ZBTB7C: variants seen among roughly 807,000 people sequenced by gnomAD.
The protein encoded by ZBTB7C is zinc finger and BTB domain-containing protein 7C.
A neutral mutation model predicts 25.7 loss-of-function variants in ZBTB7C; 8 were observed. That is an observed-to-expected ratio of 0.31 (90% CI 0.18 to 0.56). ZBTB7C has a LOEUF of 0.56. Among genes scored for constraint, ZBTB7C ranks in the 20% least tolerant of loss-of-function variants. ZBTB7C has a pLI of 0.91. For synonymous variants in ZBTB7C, 394 were observed against 369.0 expected (o/e 1.07, Z -0.78); for missense variants, 824 against 855.2 (o/e 0.96, Z 0.46).
chr18:48,206,587 G>T (rs1041507199), intron 2 of ZBTB7C, among the ~76,000 whole-genome samples: 3 of 152,172 alleles, frequency 2.0e-5, no homozygotes, highest in African/African-American at 7.2e-5. Flanking sequence ...TTCAGTCCAG[G>T]AGGCTGAGGC....
chr18:48,068,103 G>A (rs1244745654), intron 3 of ZBTB7C, among the ~76,000 whole-genome samples: 3 of 150,086 alleles, frequency 2.0e-5, no homozygotes, highest in Admixed American at 6.6e-5. Flanking sequence ...TTGGTTAGAC[G>A]AATTCAGTGG....
At chr18:48,069,154 C>A (rs1180676727) in intron 3 of ZBTB7C, among the ~76,000 whole-genome samples, 3 of 152,234 alleles carry the variant, frequency 2.0e-5, no homozygotes, top group Admixed American at 2.0e-4. Context: ...ATTTCTGTTG[C>A]TGGATTGACT....
At chr18:48,247,022 T>C (rs958851323) in intron 2 of ZBTB7C, among the ~76,000 whole-genome samples, 4 of 152,200 alleles carry the variant, frequency 2.6e-5, no homozygotes, top group Non-Finnish European at 5.9e-5. Context: ...AAGTGTTGCC[T>C]CATATAAGGG....
intron 2 of ZBTB7C, among the ~76,000 whole-genome samples, chr18:48,235,586 T>C (rs1319174260): frequency 6.6e-6 from 1 of 152,236 alleles, no homozygotes; most frequent in African/African-American, 2.4e-5. Flanking sequence ...TCTTAGATCC[T>C]CCTTCTGCGA....
At chr18:48,106,977 G>A (rs940206258) in intron 3 of ZBTB7C, among the ~76,000 whole-genome samples, 4 of 152,032 alleles carry the variant, frequency 2.6e-5, no homozygotes, top group African/African-American at 9.7e-5. Flanking sequence ...CAAGGATGAA[G>A]GTGATATAAT....
At chr18:48,336,264 C>T (rs956187758) in intron 2 of ZBTB7C, among the ~76,000 whole-genome samples, 3 of 152,228 alleles carry the variant, frequency 2.0e-5, no homozygotes, top group Non-Finnish European at 2.9e-5. Flanking sequence ...ACCCTGTTAG[C>T]AGTCAGAATC....
chr18:48,272,591 G>T lies in ZBTB7C; in HGVS notation c.-79+65583C>A, dbSNP rs117771901. On this transcript the variant is annotated intron_variant, in intron 2 of 4. Coordinates refer to ENST00000590800, the MANE Select transcript of ZBTB7C (RefSeq NM_001318841.2). ...AATGGTGCAGTCACTTTGGGAAAGA[G>T]TGAAGAGTTTCTCAAAGGTTAAAGG... Among the ~76,000 whole-genome samples, 161 of 152,306 alleles carry T rather than the reference G, an allele frequency of 1.1e-3. 1 individual carries two copies. The highest frequency in any genetic ancestry group is 2.5e-3 in the Admixed American group (39 of 15,300).
At chr18:48,408,213 T>G (rs1198453923) in intron 1 of ZBTB7C, 3 of 152,370 alleles carry the variant, frequency 2.0e-5, no homozygotes. Context: ...CTTTGCAGAT[T>G]GCAAAGATAA....
At chr18:48,067,224 T>C (rs550500865) in intron 3 of ZBTB7C, among the ~76,000 whole-genome samples, 9 of 152,266 alleles carry the variant, frequency 5.9e-5, no homozygotes, top group East Asian at 1.9e-4. Flanking sequence ...CCTCTGTAAG[T>C]GAAGGAGCTG....
At chr18:48,104,351 C>T (rs1263625978) in intron 3 of ZBTB7C, among the ~76,000 whole-genome samples, 2 of 152,206 alleles carry the variant, frequency 1.3e-5, no homozygotes, top group Non-Finnish European at 1.5e-5. Flanking sequence ...AGCTCCCCTT[C>T]CTCTTCCACC....
intron 2 of ZBTB7C, among the ~76,000 whole-genome samples, chr18:48,268,321 A>T (rs1296415757): frequency 6.6e-6 from 1 of 152,254 alleles, no homozygotes; most frequent in Non-Finnish European, 1.5e-5. Context: ...GACAAATTTT[A>T]TGCAAGCTGT....
At chr18:48,162,900 A>C (rs1156539821) in intron 3 of ZBTB7C, among the ~76,000 whole-genome samples, 1 of 152,160 alleles carries the variant, frequency 6.6e-6, no homozygotes, top group Admixed American at 6.5e-5. Context: ...ATGGGAGAAA[A>C]ATGTCACTGA....
intron 2 of ZBTB7C, among the ~76,000 whole-genome samples, chr18:48,284,404 A>C (rs2044969482): frequency 6.6e-6 from 1 of 151,110 alleles, no homozygotes; most frequent in Non-Finnish European, 1.5e-5. Context: ...ATGCCATTGC[A>C]CTCCAGCCTG....
In ZBTB7C at chr18:48,040,372, G is replaced by T. The variant is rs974792576; in HGVS notation, c.736C>A (p.Pro246Thr). The change falls in exon 4 of 5, where the codon CCC (proline) becomes ACC (threonine). Residue 246 changes from proline to threonine, a missense_variant. Physicochemically the swap from Pro to Thr is conservative, Grantham distance 38. This residue lies in a region of ZBTB7C where 316 missense variants were observed against 299.2 expected (regional missense o/e 1.06). Coordinates refer to ENST00000590800, the MANE Select transcript of ZBTB7C (RefSeq NM_001318841.2). The part of the protein sequence containing the change: ...YPKANIPDRR[P>T]SLSPFAPDFF... The stretch of plus-strand genomic sequence containing the variant: ...TCCGGGGCGAATGGAGACAAGGAGG[G>T]TCTCCTGTCGGGGATGTTGGCCTTG... The T allele has an allele frequency of 1.2e-6, 2 of 1,611,656 alleles. No individual in the cohort carries two copies. The highest frequency in any genetic ancestry group is 1.7e-5 in the Admixed American group (1 of 59,850).
intron 3 of ZBTB7C, among the ~76,000 whole-genome samples, chr18:48,165,992 G>T (rs768394150): frequency 6.6e-6 from 1 of 152,114 alleles, no homozygotes; most frequent in Non-Finnish European, 1.5e-5. Context: ...TGCATAATAC[G>T]TTTTTCCCAG....
chr18:48,051,661 A>T (rs987386716), intron 3 of ZBTB7C, among the ~76,000 whole-genome samples: 4 of 152,094 alleles, frequency 2.6e-5, no homozygotes, highest in African/African-American at 9.7e-5. Context: ...CTAATGCACC[A>T]TGCAGGGGAC....
intron 3 of ZBTB7C, among the ~76,000 whole-genome samples, chr18:48,060,500 C>T (rs1453266114): frequency 5.3e-5 from 8 of 152,152 alleles, no homozygotes; most frequent in Non-Finnish European, 1.5e-5. Flanking sequence ...CTGCCTCCTG[C>T]TGGTTCCCTC....
intron 2 of ZBTB7C, among the ~76,000 whole-genome samples, chr18:48,191,396 G>A (rs529185622): frequency 1.3e-5 from 2 of 152,304 alleles, no homozygotes; most frequent in South Asian, 2.1e-4. Context: ...ACCAGCAAAC[G>A]GGGCATAATA....
intron 2 of ZBTB7C, among the ~76,000 whole-genome samples, chr18:48,324,821 G>C (rs1223240149): frequency 6.6e-6 from 1 of 152,210 alleles, no homozygotes; most frequent in Non-Finnish European, 1.5e-5. Flanking sequence ...CGGGGGACCT[G>C]TCTGGGCTGG....
Sources: gnomAD v4.1 joint callset for allele counts (sites outside exome capture counted in the v4.1 genomes callset) on GRCh38, gnomAD v4.1.1 for gene constraint, gnomAD v4.1.1 regional missense constraint, MANE v1.5 for transcripts, NCBI Gene and HGNC (gene_info 2026-07-23, HGNC 2026-07-21) for gene names.